EFCAB6: variants seen among roughly 807,000 people sequenced by gnomAD.
EFCAB6 encodes EF-hand calcium binding domain 6, also known as EF-hand calcium-binding domain-containing protein 6.
In EFCAB6, 156 loss-of-function variants were observed where a neutral mutation model predicts 169.8. That is an observed-to-expected ratio of 0.92 (90% CI 0.81 to 1.05). EFCAB6 has a LOEUF of 1.05. EFCAB6 is among the 50% of genes least tolerant of loss of function. The pLI, the probability that EFCAB6 is intolerant of heterozygous loss-of-function variation, is 0.00. For synonymous variants in EFCAB6, 698 were observed against 676.4 expected (o/e 1.03, Z -0.50); for missense variants, 1,800 against 1,829.1 (o/e 0.98, Z 0.29).
At chr22:43,803,837 T>G (rs1218642042) in intron 2 of EFCAB6, among the ~76,000 whole-genome samples, 1 of 152,208 alleles carries the variant, frequency 6.6e-6, no homozygotes, top group African/African-American at 2.4e-5. Flanking sequence ...TAACTGATAT[T>G]TACAGAACAT....
At chr22:43,733,480 G>C (rs538752103) in intron 7 of EFCAB6, among the ~76,000 whole-genome samples, 5 of 152,332 alleles carry the variant, frequency 3.3e-5, no homozygotes, top group African/African-American at 1.2e-4. Context: ...TCCTGATTAA[G>C]TATGGGGCTT....
chr22:43,667,610 C>G (rs1009642044), intron 16 of EFCAB6, among the ~76,000 whole-genome samples: 1 of 151,912 alleles, frequency 6.6e-6, no homozygotes, highest in Non-Finnish European at 1.5e-5. Context: ...ACCGGGCACA[C>G]AGGGTTGAAA....
At chr22:43,639,092 G>A (rs1474170355) in intron 17 of EFCAB6, among the ~76,000 whole-genome samples, 1 of 152,136 alleles carries the variant, frequency 6.6e-6, no homozygotes, top group African/African-American at 2.4e-5. Context: ...GTTGACATTT[G>A]TTTCACATCT....
intron 26 of EFCAB6, among the ~76,000 whole-genome samples, chr22:43,558,485 C>T (rs1222133463): frequency 6.6e-6 from 1 of 151,976 alleles, no homozygotes; most frequent in Non-Finnish European, 1.5e-5. Context: ...ATTGTGGCAA[C>T]CCTGTGTCAA....
In EFCAB6 at chr22:43,608,441, T is replaced by G. The variant is rs1256500297; in HGVS notation, c.2681+41A>C. The G allele has an allele frequency of 3.8e-6, 6 of 1,584,172 alleles. No individual in the cohort carries two copies. The African/African-American group carries it at 5.4e-5, about 14-fold the overall frequency. The stretch of plus-strand genomic sequence containing the variant: ...AATTTGCCACAGCAAGCACCCCTAG[T>G]CCATAAGAATGGAAACCAACCAGTC... On this transcript the variant is annotated intron_variant, in intron 22 of 31. Transcript: ENST00000262726.
chr22:43,683,621 G>A (rs2058084434), intron 12 of EFCAB6, 126 bp downstream of exon 12: 2 of 723,026 alleles, frequency 2.8e-6, no homozygotes, highest in Non-Finnish European at 4.8e-6. Context: ...GCATGTAACG[G>A]GGGCTCAAGA....
intron 23 of EFCAB6, among the ~76,000 whole-genome samples, chr22:43,597,297 G>A (rs2052088061): frequency 1.3e-5 from 2 of 152,126 alleles, no homozygotes; most frequent in Admixed American, 6.5e-5. Flanking sequence ...AGGGAACAAA[G>A]TGAAGAGACA....
chr22:43,778,187 C>T lies in EFCAB6; in HGVS notation c.139+3993G>A, dbSNP rs780677030. Among the ~76,000 whole-genome samples the T allele has an allele frequency of 2.0e-4, 30 of 152,186 alleles. 1 individual carries two copies. The highest frequency in any genetic ancestry group is 1.4e-3 in the Admixed American group (22 of 15,278). ...CGTTACAGACAGGGTAGGAAGAAAA[C>T]GACCCAGTATTTAGCAGCCACATGA... On this transcript the variant is annotated intron_variant, in intron 3 of 31. Transcript: ENST00000262726.
intron 26 of EFCAB6, among the ~76,000 whole-genome samples, chr22:43,559,638 T>C (rs2048909478): frequency 6.6e-6 from 1 of 152,098 alleles, no homozygotes; most frequent in African/African-American, 2.4e-5. Context: ...ATAGACTGGA[T>C]AAAGAAAATG....
chr22:43,647,855 G>A (rs746067712), intron 17 of EFCAB6, among the ~76,000 whole-genome samples: 7 of 152,216 alleles, frequency 4.6e-5, no homozygotes, highest in South Asian at 2.1e-4. Flanking sequence ...CAGCCATTGG[G>A]AGCTGGGAGA....
chr22:43,717,488 A>C (rs898134914), intron 8 of EFCAB6, among the ~76,000 whole-genome samples: 3 of 152,084 alleles, frequency 2.0e-5, no homozygotes, highest in Non-Finnish European at 2.9e-5. Context: ...AGCTCTTATG[A>C]ATCAATAAAA....
At chr22:43,654,866 C>A (rs1477838245) in intron 17 of EFCAB6, among the ~76,000 whole-genome samples, 3 of 152,174 alleles carry the variant, frequency 2.0e-5, no homozygotes, top group Non-Finnish European at 4.4e-5. Context: ...CAGGTGCAAA[C>A]ACAAAATGTG....
chr22:43,542,586 A>G (rs1451998469), intron 27 of EFCAB6, among the ~76,000 whole-genome samples: 1 of 152,170 alleles, frequency 6.6e-6, no homozygotes, highest in Non-Finnish European at 1.5e-5. Context: ...TCTCAAAAAC[A>G]AAAAATTCTG....
At chr22:43,612,928 T>C (rs1167975029) in intron 21 of EFCAB6, among the ~76,000 whole-genome samples, 1 of 64,950 alleles carries the variant, frequency 1.5e-5, no homozygotes, top group Non-Finnish European at 3.2e-5. Context: ...AAAAAACAGA[T>C]GCTGTAAAGT....
chr22:43,712,059 A>C (rs768388045), intron 9 of EFCAB6, among the ~76,000 whole-genome samples: 9 of 152,248 alleles, frequency 5.9e-5, no homozygotes, highest in Non-Finnish European at 1.0e-4. Context: ...ACAGTAAGGA[A>C]AATTATTAAT....
chr22:43,717,335 G>A (rs2059365289), intron 8 of EFCAB6, among the ~76,000 whole-genome samples: 3 of 149,822 alleles, frequency 2.0e-5, no homozygotes, highest in Non-Finnish European at 4.4e-5. Flanking sequence ...TTAAATAAAG[G>A]ATAAGTTTGA....
chr22:43,540,056 A>G, intron 28 of EFCAB6, 71 bp downstream of exon 28: 3 of 1,564,058 alleles, frequency 1.9e-6, no homozygotes, highest in Non-Finnish European at 2.6e-6. Flanking sequence ...AGGGCCCCCA[A>G]AGTCCCCCCA....
At chr22:43,552,505 C>A (rs994388037) in intron 27 of EFCAB6, 1 of 152,190 alleles carries the variant, frequency 6.6e-6, no homozygotes, top group Admixed American at 6.5e-5. Flanking sequence ...GCCATTCTGA[C>A]TGGCGTGAGA....
intron 8 of EFCAB6, among the ~76,000 whole-genome samples, chr22:43,725,577 T>A (rs1459959092): frequency 2.6e-5 from 4 of 152,248 alleles, no homozygotes; most frequent in African/African-American, 9.6e-5. Context: ...AGTTTCAACA[T>A]GAGTTTTGGA....
Sources: allele counts gnomAD v4.1 joint callset (sites outside exome capture counted in the v4.1 genomes callset), GRCh38; gene constraint gnomAD v4.1.1; transcripts MANE v1.5; gene names NCBI Gene and HGNC (gene_info 2026-07-23, HGNC 2026-07-21).